SLC7A5: variants seen among roughly 807,000 people sequenced by gnomAD.
SLC7A5 encodes large neutral amino acids transporter small subunit 1.
Under a neutral mutation model 50.2 loss-of-function variants are expected in SLC7A5, and 23 were observed. The observed-to-expected ratio is 0.46, with a 90% confidence interval of 0.33 to 0.65. The LOEUF (loss-of-function observed/expected upper bound fraction) is 0.65, where lower values mean the gene tolerates loss of function less well. Ranked by LOEUF, SLC7A5 falls within the 30% of genes least tolerant of loss-of-function variation. SLC7A5 has a pLI of 0.02. For missense variants in SLC7A5, 578 were observed against 684.4 expected (o/e 0.84, Z 1.73); for synonymous variants, 393 against 330.6 (o/e 1.19, Z -2.05).
intron 1 of SLC7A5, among the ~76,000 whole-genome samples, chr16:87,865,751 C>T (rs1437439798): frequency 2.0e-5 from 3 of 152,046 alleles, no homozygotes; most frequent in Non-Finnish European, 4.4e-5. Context: ...CTTTTTAAAG[C>T]CCTATTACCA....
In SLC7A5 at chr16:87,852,800, G is replaced by C. The variant is rs2055254765; in HGVS notation, c.539-951C>G. The stretch of plus-strand genomic sequence containing the variant: ...TGTGCGCACGCTGAGCCACTATTCA[G>C]GGATCTGTGAGCTGGTGGGGAAACA... On this transcript the variant is annotated intron_variant, in intron 1 of 9. Coordinates refer to ENST00000261622, the MANE Select transcript of SLC7A5 (RefSeq NM_003486.7). This position sits in a 1 kb window ranked among gnomAD's most constrained non-coding sequence, Gnocchi z 4.5. Among the ~76,000 whole-genome samples, 1 of 151,942 alleles carries C rather than the reference G, an allele frequency of 6.6e-6. No individual in the cohort carries two copies. Among genetic ancestry groups the C allele is most frequent in the South Asian group, 2.1e-4 (1 of 4,818 alleles).
Position 87,869,438 on chromosome 16 carries a change from C to G in SLC7A5, c.-16G>C. 2 of 1,432,204 alleles carry G rather than the reference C, an allele frequency of 1.4e-6. No homozygotes were observed. Among genetic ancestry groups the G allele is most frequent in the Non-Finnish European group, 1.8e-6 (2 of 1,104,422 alleles). The allele number at this position is 1,432,204 out of a possible 1,614,324, so 88.7% of individuals were successfully genotyped here. A position where few individuals can be genotyped will look rare whatever the true frequency, so the allele number is the denominator to read the frequency against. On this transcript the variant is annotated 5_prime_UTR_variant, in exon 1 of 10. Transcript: ENST00000261622. ...CACCCGCCATGCTCTGCGCACCGGC[C>G]GGGCCTGGGACACCCGGGAGCCGCG...
intron 7 of SLC7A5, 87 bp from the exon 8 acceptor site, chr16:87,836,734 T>C (rs1158997760): frequency 6.9e-7 from 1 of 1,438,992 alleles, no homozygotes; most frequent in African/African-American, 1.4e-5. Context: ...CTGTCCAGCC[T>C]GGCTGGGCCC....
At chr16:87,859,171 C>T (rs1051766262) in intron 1 of SLC7A5, among the ~76,000 whole-genome samples, 1 of 152,254 alleles carries the variant, frequency 6.6e-6, no homozygotes, top group African/African-American at 2.4e-5. Context: ...AGTCAAGCGC[C>T]TGGCTCCGGG....
At chr16:87,855,730 G>T (rs539147169) in intron 1 of SLC7A5, among the ~76,000 whole-genome samples, 64 of 152,116 alleles carry the variant, frequency 4.2e-4, no homozygotes, top group Admixed American at 1.5e-3. Context: ...GGAGAGGGGT[G>T]GGGGAAGGGC....
chr16:87,850,073 G>T (rs1331050046), intron 2 of SLC7A5, among the ~76,000 whole-genome samples: 1 of 152,222 alleles, frequency 6.6e-6, no homozygotes, highest in Non-Finnish European at 1.5e-5. Flanking sequence ...GCAGGCCCAG[G>T]TTACCTGCTT....
At chr16:87,843,922 C>T (rs983262913) in intron 2 of SLC7A5, among the ~76,000 whole-genome samples, 4 of 152,152 alleles carry the variant, frequency 2.6e-5, no homozygotes, top group South Asian at 2.1e-4. Flanking sequence ...ACCCTAGACT[C>T]GGGCGTGGTC....
chr16:87,831,448 A>G lies in SLC7A5; in HGVS notation c.*1522T>C, dbSNP rs1371399701. ...GGCAGGCTCCACTGGGCACTTGCTG[A>G]GAGCTTGCGGCTTGAGCAGCCGCTG... On this transcript the variant is annotated 3_prime_UTR_variant, in exon 10 of 10. Coordinates refer to ENST00000261622, the MANE Select transcript of SLC7A5 (RefSeq NM_003486.7). 6.6e-6 allele frequency: 1 copy of G among 152,212 alleles called. No homozygotes were observed. The highest frequency in any genetic ancestry group is 1.5e-5 in the Non-Finnish European group (1 of 68,062). 9.4% of individuals were successfully genotyped at this position (152,212 alleles called of 1,614,324 possible). A position where few individuals can be genotyped will look rare whatever the true frequency, so the allele number is the denominator to read the frequency against.
chr16:87,868,749 A>G, intron 1 of SLC7A5, 136 bp downstream of exon 1: 1 of 896,878 alleles, frequency 1.1e-6, no homozygotes. Flanking sequence ...GGGACCAATG[A>G]CCTTAGCCTA....
chr16:87,837,845 C>T lies in SLC7A5; in HGVS notation c.1140G>A (p.Thr380=), dbSNP rs375734465. Residue 380 remains threonine, a splice_region_variant and synonymous_variant, in exon 7 of 10, where the codon ACG becomes ACA. Coordinates refer to ENST00000261622, the MANE Select transcript of SLC7A5 (RefSeq NM_003486.7). The part of the protein sequence containing the change: ...LLTPVPSLVF[T]CVMTLLYAFS... Reference sequence around the variant, plus strand: ...GCACAGGGCCGTGCAGCAGGCTTACCGTGAACACGAGGGACGGCACGGGGG... The same window carrying T: ...GCACAGGGCCGTGCAGCAGGCTTACTGTGAACACGAGGGACGGCACGGGGG... The T allele has an allele frequency of 3.8e-5, 61 of 1,602,022 alleles. No homozygotes were observed. The highest frequency in any genetic ancestry group is 4.8e-5 in the Non-Finnish European group (56 of 1,175,828).
intron 1 of SLC7A5, among the ~76,000 whole-genome samples, chr16:87,865,843 C>T (rs1390674399): frequency 2.0e-5 from 3 of 152,164 alleles, no homozygotes; most frequent in South Asian, 2.1e-4. Context: ...CACACCCCGC[C>T]GGGTGCGATG....
At chr16:87,858,265 G>A (rs940922777) in intron 1 of SLC7A5, among the ~76,000 whole-genome samples, 3 of 152,152 alleles carry the variant, frequency 2.0e-5, no homozygotes, top group Admixed American at 6.5e-5. Flanking sequence ...AATACCTCGC[G>A]GACGTGTCTT....
Position 87,853,735 on chromosome 16 carries a change from C to T in SLC7A5, c.539-1886G>A, listed in dbSNP as rs537878680. Among the ~76,000 whole-genome samples, 3 of 152,314 alleles carry T rather than the reference C, an allele frequency of 2.0e-5. No homozygotes were observed. The highest frequency in any genetic ancestry group is 3.9e-4 in the East Asian group (2 of 5,184). On this transcript the variant is annotated intron_variant, in intron 1 of 9. Coordinates refer to ENST00000261622, the MANE Select transcript of SLC7A5 (RefSeq NM_003486.7). The surrounding 1 kb of genome is among the most constrained non-coding windows in gnomAD (Gnocchi z 4.4). ...AGAGCTTTCTGGATTCGCAAGAGGCCGGCTGATTGCATCACTCGCTCATTC... is the reference window on the plus strand; with the variant it reads ...AGAGCTTTCTGGATTCGCAAGAGGCTGGCTGATTGCATCACTCGCTCATTC...
rs1018075814 is a variant in SLC7A5 at position 87,834,316 on chromosome 16, G to A, written c.1468+98C>T. The A allele has an allele frequency of 1.6e-5, 19 of 1,222,050 alleles. No individual in the cohort carries two copies. The Admixed American group carries it at 3.2e-4, about 20-fold the overall frequency. 75.7% of individuals were successfully genotyped at this position (1,222,050 alleles called of 1,614,324 possible). A position where few individuals can be genotyped will look rare whatever the true frequency, so the allele number is the denominator to read the frequency against. On this transcript the variant is annotated intron_variant, in intron 9 of 9. Transcript: ENST00000261622. ...CCTGAACCCTCCTGCCACCCAACAC[G>A]CTTCGCCCCATGTGGGTGGAGACGG...
chr16:87,859,327 A>G (rs1567500775), intron 1 of SLC7A5, among the ~76,000 whole-genome samples: 1 of 152,180 alleles, frequency 6.6e-6, no homozygotes, highest in Non-Finnish European at 1.5e-5. Context: ...AAGAACCCTC[A>G]GGCTCTGAAG....
At chr16:87,859,104 C>T (rs1434890704) in intron 1 of SLC7A5, among the ~76,000 whole-genome samples, 4 of 152,212 alleles carry the variant, frequency 2.6e-5, no homozygotes, top group African/African-American at 7.2e-5. Flanking sequence ...CCTACCTGAC[C>T]CCTGCCAAAG....
chr16:87,863,461 A>G (rs897796288), intron 1 of SLC7A5: 3 of 152,204 alleles, frequency 2.0e-5, no homozygotes, highest in Admixed American at 6.5e-5. Flanking sequence ...GATAAAACCC[A>G]GCATCGCTTG....
rs1413044958 is a variant in SLC7A5 at position 87,841,871 on chromosome 16, C to T, written c.665-716G>A. On this transcript the variant is annotated intron_variant, in intron 2 of 9. Coordinates refer to ENST00000261622, the MANE Select transcript of SLC7A5 (RefSeq NM_003486.7). The surrounding 1 kb of genome is among the most constrained non-coding windows in gnomAD (Gnocchi z 4.8). ...TTCAAAACTTGAACTTCAGTCACAT[C>T]TGCGAAGACCCTTTTTCCAAATAAG... Among the ~76,000 whole-genome samples the T allele has an allele frequency of 6.6e-6, 1 of 152,238 alleles. No individual in the cohort carries two copies. The highest frequency in any genetic ancestry group is 2.4e-5 in the African/African-American group (1 of 41,466).
intron 5 of SLC7A5, 62 bp from the exon 6 acceptor site, chr16:87,838,879 A>C: frequency 1.6e-6 from 2 of 1,265,048 alleles, no homozygotes; most frequent in Non-Finnish European, 2.3e-6. Context: ...CCCTGTGCTC[A>C]CTGGGAGCCC....
Sources: allele counts gnomAD v4.1 joint callset (sites outside exome capture counted in the v4.1 genomes callset), GRCh38; gene constraint gnomAD v4.1.1; non-coding constraint Gnocchi (gnomAD v3.1); transcripts MANE v1.5; gene names NCBI Gene and HGNC (gene_info 2026-07-23, HGNC 2026-07-21).